Variants in IGFBPL1 observed in about 807,000 individuals in gnomAD.
IGFBPL1 encodes the protein insulin-like growth factor-binding protein-like 1.
In IGFBPL1, 20 loss-of-function variants were observed where a neutral mutation model predicts 23.9. That is an observed-to-expected ratio of 0.84 (90% CI 0.59 to 1.22). The LOEUF is 1.22. Among genes scored for constraint, IGFBPL1 ranks in the 50% most tolerant of loss-of-function variants. The pLI, the probability that IGFBPL1 is intolerant of heterozygous loss-of-function variation, is 0.00. For missense variants in IGFBPL1, 436 were observed against 379.3 expected (o/e 1.15, Z -1.24); for synonymous variants, 184 against 171.8 (o/e 1.07, Z -0.56).
intron 1 of IGFBPL1, among the ~76,000 whole-genome samples, chr9:38,420,504 G>T (rs1563920902): frequency 6.6e-6 from 1 of 152,250 alleles, no homozygotes. Flanking sequence ...TTACTGATCA[G>T]GTTGCTAGCG....
intron 1 of IGFBPL1, among the ~76,000 whole-genome samples, chr9:38,415,099 C>T (rs1411082590): frequency 1.3e-5 from 2 of 152,160 alleles, no homozygotes; most frequent in Non-Finnish European, 2.9e-5. Flanking sequence ...AATGCTCCCA[C>T]CCAGCTGTCA....
In IGFBPL1 at chr9:38,412,614, C is replaced by T. The variant is rs1821530194; in HGVS notation, c.687+623G>A. Among the ~76,000 whole-genome samples the T allele has an allele frequency of 2.0e-5, 3 of 152,220 alleles. No individual in the cohort carries two copies. The South Asian group carries it at 6.2e-4, about 32-fold the overall frequency. On this transcript the variant is annotated intron_variant, in intron 3 of 4. Transcript: ENST00000377694. ...TAACAAATCGCCACAAGCTGAGTGC[C>T]TTAAAACAAACACATTTCTTTTCTA...
intron 1 of IGFBPL1, among the ~76,000 whole-genome samples, chr9:38,417,044 C>A (rs1246632855): frequency 6.6e-6 from 1 of 152,112 alleles, no homozygotes; most frequent in East Asian, 1.9e-4. Flanking sequence ...TTTTTATCCA[C>A]AGTAGCTCTT....
rs534142727 is a variant in IGFBPL1 at position 38,408,699 on chromosome 9, T to C, written c.*528A>G. 6.6e-6 allele frequency among the ~76,000 whole-genome samples: 1 copy of C among 152,320 alleles called. No individual in the cohort carries two copies. Among genetic ancestry groups the C allele is most frequent in the South Asian group, 2.1e-4 (1 of 4,826 alleles). On this transcript the variant is annotated 3_prime_UTR_variant, in exon 5 of 5. Coordinates refer to ENST00000377694, the MANE Select transcript of IGFBPL1 (RefSeq NM_001007563.3). ...CCCAAAAGGCCATCTTAATCTAGGATGGCAGGGCTAAAAGGGACATTGATA... is the reference window on the plus strand; with the variant it reads ...CCCAAAAGGCCATCTTAATCTAGGACGGCAGGGCTAAAAGGGACATTGATA...
In IGFBPL1 at chr9:38,411,557, T is replaced by G. The variant is rs756657827; in HGVS notation, c.688-8A>C. 25 of 1,612,960 alleles carry G rather than the reference T, an allele frequency of 1.5e-5. No homozygotes were observed. Among genetic ancestry groups the G allele is most frequent in the Middle Eastern group, 1.6e-4 (1 of 6,076 alleles). ...CTTTCGCAGGGGGTTGATCTAGAAA[T>G]ACAACAGGCAAGTTTATACAGTTAT... On this transcript the variant is annotated splice_region_variant and splice_polypyrimidine_tract_variant and intron_variant, in intron 3 of 4. Transcript: ENST00000377694.
chr9:38,410,534 C>T (rs143386563), intron 4 of IGFBPL1, among the ~76,000 whole-genome samples: 192 of 151,680 alleles, frequency 1.3e-3, no homozygotes, highest in Admixed American at 2.9e-3. Context: ...GCACACATCA[C>T]ATCCGAGCAG....
chr9:38,408,577 C>T lies in IGFBPL1; in HGVS notation c.*650G>A, dbSNP rs1412620440. Reference sequence around the variant, plus strand: ...GAAAAAGTTAGGAATAGAAGAGCTACAGCCAGCTGTCCACACGTTGGGGTA... The same window carrying T: ...GAAAAAGTTAGGAATAGAAGAGCTATAGCCAGCTGTCCACACGTTGGGGTA... On this transcript the variant is annotated 3_prime_UTR_variant, in exon 5 of 5. Transcript: ENST00000377694. 6.6e-6 allele frequency among the ~76,000 whole-genome samples: 1 copy of T among 152,218 alleles called. No individual in the cohort carries two copies. The highest frequency in any genetic ancestry group is 1.5e-5 in the Non-Finnish European group (1 of 68,046).
rs754120424 is a variant in IGFBPL1 at position 38,414,217 on chromosome 9, A to T, written c.461-14T>A. 62 of 1,535,020 alleles carry T rather than the reference A, an allele frequency of 4.0e-5. No individual in the cohort carries two copies. Among genetic ancestry groups the T allele is most frequent in the Non-Finnish European group, 5.1e-5 (57 of 1,123,400 alleles). On this transcript the variant is annotated splice_polypyrimidine_tract_variant and intron_variant, in intron 1 of 4. Coordinates refer to ENST00000377694, the MANE Select transcript of IGFBPL1 (RefSeq NM_001007563.3). ...CGACCACAGGAGCTAGGAGGAGGAG[A>T]CAAGGAGACGCAGCCTTTACCCTGC...
At position 38,407,770 on chromosome 9, in the gene IGFBPL1, C is replaced by A. The variant is rs7021469; in HGVS notation, c.*1457G>T. Among the ~76,000 whole-genome samples, 25,520 of 152,236 alleles carry A rather than the reference C, an allele frequency of 0.17. 2,554 individuals carry two copies. The highest frequency in any genetic ancestry group is 0.46 in the East Asian group (2,394 of 5,162). ...TCCTCTCAGAGCCTGGTTTCTTCAT[C>A]TGCTAAAGGCAGGGACATTAACACC... On this transcript the variant is annotated 3_prime_UTR_variant, in exon 5 of 5. Transcript: ENST00000377694.
chr9:38,420,332 C>T (rs1374593826), intron 1 of IGFBPL1, among the ~76,000 whole-genome samples: 1 of 152,212 alleles, frequency 6.6e-6, no homozygotes, highest in Non-Finnish European at 1.5e-5. Context: ...CTGTGCCTCC[C>T]CCTTGCTAGC....
At chr9:38,419,863 C>CCCTCCT (rs71363990) in intron 1 of IGFBPL1, among the ~76,000 whole-genome samples, 134 of 146,068 alleles carry the variant, frequency 9.2e-4, no homozygotes, top group Middle Eastern at 3.5e-3. Flanking sequence ...CTCCTCCTCC[C>CCCTCCT]CCTCCTCCTC....
chr9:38,417,371 TC>T (rs956180667), intron 1 of IGFBPL1, among the ~76,000 whole-genome samples: 1 of 152,076 alleles, frequency 6.6e-6, no homozygotes, highest in African/African-American at 2.4e-5. Flanking sequence ...GCTGCTTCCA[TC>T]CCCATTTCAC....
chr9:38,411,026 G>A (rs1427078360), intron 4 of IGFBPL1, among the ~76,000 whole-genome samples: 1 of 152,226 alleles, frequency 6.6e-6, no homozygotes, highest in Non-Finnish European at 1.5e-5. Flanking sequence ...CATCTTCTTT[G>A]TGGGAACATT....
chr9:38,423,986 G>C lies in IGFBPL1; in HGVS notation c.439C>G (p.Arg147Gly). ...RAHPGHLHKARDGPCEFAPVV... is the reference protein window; with the variant it reads ...RAHPGHLHKAGDGPCEFAPVV... ...TCACCGAACTCGCAAGGGCCGTCGC[G>C]CGCCTTGTGCAGGTGACCGGGGTGC... The change falls in exon 1 of 5, where the codon CGC becomes GGC. Residue 147 changes from arginine (R) to glycine (G), a missense_variant. Physicochemically the swap from Arg to Gly is moderately radical, Grantham distance 125. Transcript: ENST00000377694. 1 of 1,406,638 alleles carries C rather than the reference G, an allele frequency of 7.1e-7. No individual in the cohort carries two copies. Among genetic ancestry groups the C allele is most frequent in the East Asian group, 3.0e-5 (1 of 33,100 alleles). The allele number at this position is 1,406,638 out of a possible 1,614,324, so 87.1% of individuals were successfully genotyped here.
intron 1 of IGFBPL1, among the ~76,000 whole-genome samples, chr9:38,417,324 C>T (rs1032855390): frequency 1.3e-5 from 2 of 152,206 alleles, no homozygotes; most frequent in Non-Finnish European, 2.9e-5. Context: ...CTTCCACGTA[C>T]ACCACCCTTT....
intron 4 of IGFBPL1, among the ~76,000 whole-genome samples, chr9:38,411,087 C>A (rs1821507536): frequency 1.3e-5 from 2 of 152,210 alleles, no homozygotes; most frequent in South Asian, 4.1e-4. Flanking sequence ...TCTCAGTGCT[C>A]TTTCTAGAAG....
chr9:38,419,915 G>A (rs1821655101), intron 1 of IGFBPL1, among the ~76,000 whole-genome samples: 1 of 145,198 alleles, frequency 6.9e-6, no homozygotes, highest in Non-Finnish European at 1.5e-5. Flanking sequence ...TTTTTAGACA[G>A]GGTCTCACTC....
chr9:38,413,482 G>A, intron 2 of IGFBPL1, 129 bp from the exon 3 acceptor site: 1 of 617,010 alleles, frequency 1.6e-6, no homozygotes, highest in Non-Finnish European at 2.9e-6. Flanking sequence ...CCCTAGCACT[G>A]CTCATGCCTA....
intron 1 of IGFBPL1, among the ~76,000 whole-genome samples, chr9:38,418,882 G>A (rs1460399060): frequency 6.6e-6 from 1 of 152,026 alleles, no homozygotes; most frequent in Admixed American, 6.6e-5. Flanking sequence ...GTACCAGAGG[G>A]AGACTCAAAT....
Sources: gnomAD v4.1 joint callset for allele counts (sites outside exome capture counted in the v4.1 genomes callset) on GRCh38, gnomAD v4.1.1 for gene constraint, MANE v1.5 for transcripts, NCBI Gene and HGNC (gene_info 2026-07-23, HGNC 2026-07-21) for gene names.